CPNE4: variants seen among roughly 807,000 people sequenced by gnomAD.
CPNE4 encodes copine-4.
CPNE4 carries 25 observed loss-of-function variants against 67.9 expected under a neutral mutation model. The observed-to-expected ratio is 0.37, with a 90% CI of 0.27 to 0.51. The LOEUF is 0.51. Among genes scored for constraint, CPNE4 ranks in the 20% least tolerant of loss-of-function variants. The pLI is 0.93. For synonymous variants in CPNE4, 242 were observed against 244.9 expected (o/e 0.99, Z 0.11); for missense variants, 464 against 690.8 (o/e 0.67, Z 3.68).
intron 2 of CPNE4, among the ~76,000 whole-genome samples, chr3:131,833,640 A>G (rs1204127907): frequency 6.6e-6 from 1 of 152,226 alleles, no homozygotes; most frequent in Non-Finnish European, 1.5e-5. Flanking sequence ...TCAAGGCTAC[A>G]GTGAGCCATG....
intron 1 of CPNE4, among the ~76,000 whole-genome samples, chr3:132,021,218 T>C (rs1193340910): frequency 6.6e-6 from 1 of 152,186 alleles, no homozygotes; most frequent in Non-Finnish European, 1.5e-5. Flanking sequence ...ATAAAACACA[T>C]TGATTTTATA....
intron 11 of CPNE4, among the ~76,000 whole-genome samples, chr3:131,563,208 C>G (rs1936879567): frequency 6.6e-6 from 1 of 152,018 alleles, no homozygotes; most frequent in Non-Finnish European, 1.5e-5. Flanking sequence ...TGCTGTCTTA[C>G]AAAATTCCTC....
chr3:131,608,675 G>C (rs958958340), intron 7 of CPNE4, among the ~76,000 whole-genome samples: 6 of 152,146 alleles, frequency 3.9e-5, no homozygotes, highest in Non-Finnish European at 8.8e-5. Context: ...GGAAGGGCAA[G>C]AACAGTGAAG....
intron 1 of CPNE4, among the ~76,000 whole-genome samples, chr3:132,013,925 C>T (rs773697553): frequency 1.3e-5 from 2 of 152,052 alleles, no homozygotes; most frequent in Admixed American, 6.5e-5. Flanking sequence ...ATGCTGCTTA[C>T]GATAATGCAA....
chr3:131,818,945 C>T (rs113489101), intron 2 of CPNE4, among the ~76,000 whole-genome samples: 2 of 151,994 alleles, frequency 1.3e-5, no homozygotes, highest in African/African-American at 4.8e-5. Context: ...ACTAAAAATA[C>T]AAAAATTAGC....
At chr3:132,011,803 C>A (rs1324682721) in intron 1 of CPNE4, among the ~76,000 whole-genome samples, 1 of 152,166 alleles carries the variant, frequency 6.6e-6, no homozygotes, top group African/African-American at 2.4e-5. Flanking sequence ...GCAACAGGAG[C>A]CTGTGTCAAA....
intron 2 of CPNE4, among the ~76,000 whole-genome samples, chr3:131,763,632 T>A (rs1560263602): frequency 6.6e-6 from 1 of 152,098 alleles, no homozygotes; most frequent in Non-Finnish European, 1.5e-5. Flanking sequence ...CCTCCCAGAT[T>A]TCACCTGTCT....
At chr3:131,957,078 C>T (rs2613978) in intron 1 of CPNE4, among the ~76,000 whole-genome samples, 78,657 of 152,080 alleles carry the variant, frequency 0.52, 21,740 homozygotes, top group Admixed American at 0.67. Flanking sequence ...CAATTCAATG[C>T]CGTGTCCTAC....
intron 2 of CPNE4, among the ~76,000 whole-genome samples, chr3:131,877,705 C>T (rs1447197218): frequency 1.3e-5 from 2 of 152,090 alleles, no homozygotes; most frequent in African/African-American, 4.8e-5. Flanking sequence ...AGGCCACTGG[C>T]TACTATTATG....
In CPNE4 at chr3:132,021,047, A is replaced by G. The variant is rs2073984785; in HGVS notation, c.-2+13520T>C. On this transcript the variant is annotated intron_variant, in intron 1 of 15. Transcript: ENST00000429747. ...CTTTTTGTACCTGCCTGATAATTCC[A>G]GCTGATGCTAAATAAATCTGACTGA... 2.6e-5 allele frequency among the ~76,000 whole-genome samples: 4 copies of G among 152,196 alleles called. No individual in the cohort carries two copies. The South Asian group carries it at 8.3e-4, about 31-fold the overall frequency.
chr3:131,814,550 A>G (rs1330534498), intron 2 of CPNE4, among the ~76,000 whole-genome samples: 3 of 138,066 alleles, frequency 2.2e-5, no homozygotes, highest in Non-Finnish European at 4.7e-5. Context: ...TTTTTAATGG[A>G]AGCATAAAAT....
intron 2 of CPNE4, among the ~76,000 whole-genome samples, chr3:131,875,554 C>T (rs559455484): frequency 3.4e-4 from 51 of 152,128 alleles, no homozygotes; most frequent in Admixed American, 3.1e-3. Context: ...AGCTGGAAAC[C>T]ATCATTCTCA....
At chr3:131,626,346 T>C (rs2079074096) in intron 7 of CPNE4, among the ~76,000 whole-genome samples, 1 of 152,216 alleles carries the variant, frequency 6.6e-6, no homozygotes, top group Non-Finnish European at 1.5e-5. Flanking sequence ...AAACAAATTC[T>C]TGAAGAAAAT....
Position 131,670,589 on chromosome 3 carries a change from G to T in CPNE4, c.592-825C>A, listed in dbSNP as rs187990392. On this transcript the variant is annotated intron_variant, in intron 6 of 15. Transcript: ENST00000429747. ...AGGGATTCCCAAAGTGTGGTTCCTG[G>T]ACCAGCAGGAGCTGCATCACCTGGA... 2.6e-5 allele frequency among the ~76,000 whole-genome samples: 4 copies of T among 152,192 alleles called. No homozygotes were observed. In the East Asian group the frequency reaches 5.8e-4, roughly 22 times the overall value.
intron 2 of CPNE4, among the ~76,000 whole-genome samples, chr3:131,869,893 C>T (rs1174438116): frequency 1.3e-5 from 2 of 152,154 alleles, no homozygotes; most frequent in African/African-American, 4.8e-5. Context: ...GCCTTTCTCT[C>T]ATGGGGCCTG....
intron 7 of CPNE4, among the ~76,000 whole-genome samples, chr3:131,621,843 C>CA (rs1231231662): frequency 1.6e-5 from 2 of 124,992 alleles, no homozygotes; most frequent in South Asian, 2.4e-4. Flanking sequence ...CCCATCTGTA[C>CA]AAAAAATACA....
At chr3:131,899,095 A>C (rs1283390363) in intron 2 of CPNE4, among the ~76,000 whole-genome samples, 1 of 152,050 alleles carries the variant, frequency 6.6e-6, no homozygotes, top group Non-Finnish European at 1.5e-5. Flanking sequence ...GTTTTAATTG[A>C]CTTAATTTTC....
chr3:131,706,659 C>T (rs1248930909), intron 3 of CPNE4, among the ~76,000 whole-genome samples: 1 of 152,156 alleles, frequency 6.6e-6, no homozygotes, highest in East Asian at 1.9e-4. Flanking sequence ...CCAGCATTAA[C>T]ATCAACATAG....
chr3:132,019,976 C>G (rs1319970967), intron 1 of CPNE4, among the ~76,000 whole-genome samples: 1 of 152,202 alleles, frequency 6.6e-6, no homozygotes, highest in Non-Finnish European at 1.5e-5. Context: ...TCACCACCAT[C>G]ATGGATCTCT....
Sources: gnomAD v4.1 joint callset for allele counts (sites outside exome capture counted in the v4.1 genomes callset) on GRCh38, gnomAD v4.1.1 for gene constraint, MANE v1.5 for transcripts, NCBI Gene and HGNC (gene_info 2026-07-23, HGNC 2026-07-21) for gene names.